FAM149A: variants seen among roughly 807,000 people sequenced by gnomAD.
The protein encoded by FAM149A is protein FAM149A.
Under a neutral mutation model 78.2 loss-of-function variants are expected in FAM149A, and 71 were observed. The observed-to-expected ratio is 0.91, with a 90% CI of 0.75 to 1.11. The LOEUF is 1.11. Among genes scored for constraint, FAM149A ranks in the 50% least tolerant of loss-of-function variants. FAM149A has a pLI of 0.00. For missense variants in FAM149A, 1,036 were observed against 971.0 expected (o/e 1.07, Z -0.89); for synonymous variants, 446 against 410.5 (o/e 1.09, Z -1.04).
chr4:186,165,648 G>C (rs1734968308), intron 11 of FAM149A, among the ~76,000 whole-genome samples, 184 bp downstream of exon 11: 2 of 152,204 alleles, frequency 1.3e-5, no homozygotes, highest in African/African-American at 4.8e-5. Flanking sequence ...CAGGGAGTGA[G>C]AGGCTTAATT....
At position 186,160,308 on chromosome 4, in the gene FAM149A, A is replaced by AACACACCACACACCAAAC. The variant is rs1319188385; in HGVS notation, c.1576-2523_1576-2506dup. 2.6e-5 allele frequency among the ~76,000 whole-genome samples: 3 copies of AACACACCACACACCAAAC among 113,938 alleles called. No individual in the cohort carries two copies. In the East Asian group the frequency reaches 8.6e-4, roughly 32 times the overall value. 74.7% of individuals were successfully genotyped at this position (113,938 alleles called of 152,430 possible). On this transcript the variant is annotated intron_variant, in intron 8 of 13. Transcript: ENST00000389354. ...ACACACCAAACACACACCCCACACA[A>AACACACCACACACCAAAC]ACACACCACACACCAAACACACACC... is the stretch of plus-strand genomic sequence containing the variant.
intron 3 of FAM149A, 166 bp from the exon 4 acceptor site, chr4:186,151,737 G>C (rs2276915): frequency 0.04 from 39,745 of 985,168 alleles, 1,150 homozygotes; most frequent in African/African-American, 0.13. Context: ...TCTCAGAAAG[G>C]TAACAGCTAG....
At chr4:186,110,479 G>A (rs1360546245) in intron 1 of FAM149A, among the ~76,000 whole-genome samples, 1 of 145,764 alleles carries the variant, frequency 6.9e-6, no homozygotes, top group African/African-American at 2.6e-5. Context: ...GTGCCATGCT[G>A]GTGCGCTGCA....
At position 186,136,539 on chromosome 4, in the gene FAM149A, A is replaced by C. The variant is rs544174969; in HGVS notation, c.567-12634A>C. Reference sequence around the variant, plus strand: ...TCAGAACTTAGGTATTTCATTTTGAATAATGTACTAATTCTATATTTTTCT... The same window carrying C: ...TCAGAACTTAGGTATTTCATTTTGACTAATGTACTAATTCTATATTTTTCT... On this transcript the variant is annotated intron_variant, in intron 1 of 13. Coordinates refer to ENST00000389354, the MANE Select transcript of FAM149A (RefSeq NM_001367768.3). 2.0e-5 allele frequency among the ~76,000 whole-genome samples: 3 copies of C among 152,332 alleles called. No individual in the cohort carries two copies. In the South Asian group the frequency reaches 6.2e-4, roughly 32 times the overall value.
intron 1 of FAM149A, chr4:186,118,075 T>C: frequency 2.0e-6 from 2 of 985,392 alleles, no homozygotes; most frequent in Non-Finnish European, 2.4e-6. Flanking sequence ...GGCACGGGGC[T>C]GGACATTCAT....
chr4:186,160,691 TACC>T, intron 8 of FAM149A: 1 of 547,894 alleles, frequency 1.8e-6, no homozygotes, highest in Non-Finnish European at 2.2e-6. Context: ...CCTTCACACA[TACC>T]ACACACACTA....
intron 1 of FAM149A, among the ~76,000 whole-genome samples, chr4:186,130,718 A>G (rs982337886): frequency 1.3e-5 from 2 of 152,082 alleles, no homozygotes; most frequent in Non-Finnish European, 2.9e-5. Context: ...AATTTACCTT[A>G]GAAAGATTCA....
chr4:186,153,527 C>A, intron 4 of FAM149A, 118 bp from the exon 5 acceptor site: 1 of 1,490,010 alleles, frequency 6.7e-7, no homozygotes, highest in South Asian at 1.4e-5. Context: ...TTCCCACGTT[C>A]CCATACACAT....
At chr4:186,171,840 G>A (rs1028071165) in intron 13 of FAM149A, 74 bp from the exon 14 acceptor site, 1 of 1,183,436 alleles carries the variant, frequency 8.4e-7, no homozygotes, top group Non-Finnish European at 1.2e-6. Context: ...TGCATGGAGT[G>A]TACAAAACAA....
At chr4:186,165,046 C>T (rs984015328) in intron 10 of FAM149A, among the ~76,000 whole-genome samples, 3 of 152,102 alleles carry the variant, frequency 2.0e-5, no homozygotes, top group African/African-American at 4.8e-5. Context: ...GCTTCTCACC[C>T]GCCTGGATTC....
At chr4:186,133,121 A>T in intron 1 of FAM149A, 1 of 985,408 alleles carries the variant, frequency 1.0e-6, no homozygotes. Flanking sequence ...GACAGGAGTC[A>T]TGTATTGTCT....
intron 1 of FAM149A, chr4:186,133,267 C>A: frequency 1.1e-6 from 1 of 891,866 alleles, no homozygotes; most frequent in Non-Finnish European, 1.3e-6. Context: ...GTACCACATT[C>A]ACAGTGTTGT....
chr4:186,105,542 G>C lies in FAM149A; in HGVS notation c.466G>C (p.Ala156Pro). 1 of 1,138,360 alleles carries C rather than the reference G, an allele frequency of 8.8e-7. No individual in the cohort carries two copies. The highest frequency in any genetic ancestry group is 1.1e-6 in the Non-Finnish European group (1 of 921,958). The allele number at this position is 1,138,360 out of a possible 1,614,324, so 70.5% of individuals were successfully genotyped here. The change falls in exon 1 of 14, where the codon GCC (alanine) becomes CCC (proline). Residue 156 changes from alanine to proline, a missense_variant. Physicochemically the swap from Ala to Pro is conservative, Grantham distance 27 (BLOSUM62 -1). Transcript: ENST00000389354. Reference sequence around the variant, plus strand: ...TGGCCCCGGAGAGCGAGAGCTCGGCGCCTGCGTGGCCCCCGGGGCTGGCCC... The same window carrying C: ...TGGCCCCGGAGAGCGAGAGCTCGGCCCCTGCGTGGCCCCCGGGGCTGGCCC...
chr4:186,144,285 G>C lies in FAM149A; in HGVS notation c.567-4888G>C, dbSNP rs1732789297. ...AAACGAGCACATGGTAACGCAAGCG[G>C]CAGGCATGCTCGGGGTGTGCAGGAG... On this transcript the variant is annotated intron_variant, in intron 1 of 13. Transcript: ENST00000389354. This position sits in a 1 kb window ranked among gnomAD's most constrained non-coding sequence, Gnocchi z 4.2. 1 of 152,280 alleles carries C rather than the reference G, an allele frequency of 6.6e-6. No homozygotes were observed. The highest frequency in any genetic ancestry group is 1.5e-5 in the Non-Finnish European group (1 of 68,132). The allele number at this position is 152,280 out of a possible 1,614,324, so 9.4% of individuals were successfully genotyped here. A position where few individuals can be genotyped will look rare whatever the true frequency, so the allele number is the denominator to read the frequency against.
chr4:186,151,229 T>C (rs7684126), intron 3 of FAM149A, among the ~76,000 whole-genome samples: 127,493 of 152,076 alleles, frequency 0.84, 53,633 homozygotes, highest in Middle Eastern at 0.9. Flanking sequence ...CTCACCACCA[T>C]CCCTCAAGCC....
At chr4:186,147,071 GTAGCAGGTGATGATGATAA>G (rs1437614348) in intron 1 of FAM149A, 1 of 743,290 alleles carries the variant, frequency 1.3e-6, no homozygotes, top group Non-Finnish European at 1.6e-6. Context: ...TCTTCGTAGA[GTAGCAGGTGATGATGATAA>G]TAGCAGTGAG....
At chr4:186,140,438 T>G in intron 1 of FAM149A, among the ~76,000 whole-genome samples, 1 of 132,446 alleles carries the variant, frequency 7.6e-6, no homozygotes, top group Non-Finnish European at 1.6e-5. Flanking sequence ...TGAACACACC[T>G]AGCTTTTTTT....
At chr4:186,150,136 C>G (rs4862647) in intron 3 of FAM149A, among the ~76,000 whole-genome samples, 27,679 of 78,258 alleles carry the variant, frequency 0.35, 5,722 homozygotes, top group African/African-American at 0.57. Context: ...CCGCTGGGGG[C>G]GCTGTTGCCT....
At chr4:186,109,454 G>T (rs998013325) in intron 1 of FAM149A, 2 of 979,764 alleles carry the variant, frequency 2.0e-6, no homozygotes, top group Non-Finnish European at 2.4e-6. Context: ...CACTGAGGCA[G>T]CCTCCAGTGT....
Sources: allele counts gnomAD v4.1 joint callset (sites outside exome capture counted in the v4.1 genomes callset), GRCh38; gene constraint gnomAD v4.1.1; non-coding constraint Gnocchi (gnomAD v3.1); transcripts MANE v1.5; gene names NCBI Gene and HGNC (gene_info 2026-07-23, HGNC 2026-07-21).